ABCG4: variants seen among roughly 807,000 people sequenced by gnomAD.
ABCG4 encodes ATP binding cassette subfamily G member 4.
A neutral mutation model predicts 64.6 loss-of-function variants in ABCG4; 35 were observed. The observed-to-expected ratio is 0.54, with a 90% CI of 0.41 to 0.72. The LOEUF is 0.72. Ranked by LOEUF, ABCG4 falls within the 30% of genes least tolerant of loss-of-function variation. The pLI is 0.00. For missense variants in ABCG4, 610 were observed against 846.3 expected, an observed-to-expected ratio of 0.72 and a Z score of 3.46; for synonymous variants, 326 against 348.2, an observed-to-expected ratio of 0.94 and a Z score of 0.71.
rs752463582 is a variant in ABCG4, at chr11:119,158,523, A to G, written c.1168-34A>G. 1.2e-6 allele frequency: 2 copies of G among 1,613,520 alleles called. No individual in the cohort carries two copies. Among genetic ancestry groups the G allele is most frequent in the East Asian group, 4.5e-5 (2 of 44,854 alleles). On this transcript the variant is annotated intron_variant, in intron 10 of 14. Coordinates refer to ENST00000619701, the MANE Select transcript of ABCG4 (RefSeq NM_022169.5). The surrounding 1 kb of genome is among the most constrained non-coding windows in gnomAD (Gnocchi z 4.5). Reference sequence around the variant, plus strand: ...ACTCTGTGGCTTGCCCTGGCCTGTAACACATCCCTCTCCTGGTGATGACCC... The same window carrying G: ...ACTCTGTGGCTTGCCCTGGCCTGTAGCACATCCCTCTCCTGGTGATGACCC...
chr11:119,153,734 A>G, intron 2 of ABCG4: 1 of 372,898 alleles, frequency 2.7e-6, no homozygotes, highest in Non-Finnish European at 5.0e-6. Flanking sequence ...AGGGTCTTCT[A>G]CAGCTTTGAT....
Position 119,150,311 on chromosome 11 carries a change from C to G in ABCG4, c.238+108C>G. 1 of 1,445,348 alleles carries G rather than the reference C, an allele frequency of 6.9e-7. No homozygotes were observed. 89.5% of individuals were successfully genotyped at this position (1,445,348 alleles called of 1,614,324 possible). On this transcript the variant is annotated intron_variant, in intron 2 of 14. Transcript: ENST00000619701. The surrounding 1 kb of genome is among the most constrained non-coding windows in gnomAD (Gnocchi z 4.3). ...TCGGAAAGTCCTGCACCAGTGGGCT[C>G]TGTGGAAACACTAAAATCTGGGCCC...
Position 119,158,578 on chromosome 11 carries a change from AT to A in ABCG4, c.1190del (p.Met397SerfsTer52). The A allele has an allele frequency of 6.2e-7, 1 of 1,614,144 alleles. No individual in the cohort carries two copies. The highest frequency in any genetic ancestry group is 8.5e-7 in the Non-Finnish European group (1 of 1,179,996). On this transcript the variant is annotated frameshift_variant, in exon 11 of 15. Coordinates refer to ENST00000619701, the MANE Select transcript of ABCG4 (RefSeq NM_022169.5). LOFTEE classifies it high-confidence loss of function. The surrounding 1 kb of genome is among the most constrained non-coding windows in gnomAD (Gnocchi z 4.5). ...RDTVLTHLRFMSHVVIGVLIG... is the reference protein window; with the variant it reads ...RDTVLTHLRFXSHVVIGVLIG... ...CAAGGTCCTGACCCACCTACGGTTC[AT>A]GTCCCACGTGGTTATTGGCGTGCTC...
At chr11:119,151,924 C>G (rs917103271) in intron 2 of ABCG4, among the ~76,000 whole-genome samples, 5 of 152,206 alleles carry the variant, frequency 3.3e-5, no homozygotes, top group African/African-American at 1.2e-4. Flanking sequence ...CTTTTCTCAT[C>G]TGTAAACAGG....
At chr11:119,152,082 T>G (rs998433274) in intron 2 of ABCG4, among the ~76,000 whole-genome samples, 2 of 152,234 alleles carry the variant, frequency 1.3e-5, no homozygotes, top group Non-Finnish European at 2.9e-5. Context: ...CAGTTTCTTC[T>G]CCTGCAAGAG....
Position 119,150,027 on chromosome 11 carries a change from C to T in ABCG4, c.62C>T (p.Ala21Val). The T allele has an allele frequency of 6.2e-7, 1 of 1,612,938 alleles. No individual in the cohort carries two copies. Among genetic ancestry groups the T allele is most frequent in the Middle Eastern group, 1.7e-4 (1 of 6,042 alleles). The change falls in exon 2 of 15, where the codon GCC becomes GTC. Residue 21 changes from alanine (A) to valine (V), a missense_variant. Ala to Val is a moderately conservative substitution (Grantham distance 64). Transcript: ENST00000619701. The surrounding 1 kb of genome is among the most constrained non-coding windows in gnomAD (Gnocchi z 4.3). ...CTAGGGCCGGGGGCTGTGGCCATGG[C>T]CGTGACGCTGGAGGACGGGGCGGAA... ...CGLGPGAVAM[A>V]VTLEDGAEPP... is the part of the protein sequence containing the mutation.
chr11:119,156,182 G>A lies in ABCG4; in HGVS notation c.687-147G>A. 9.4e-7 allele frequency: 1 copy of A among 1,061,404 alleles called. No homozygotes were observed. Among genetic ancestry groups the A allele is most frequent in the Non-Finnish European group, 1.4e-6 (1 of 720,248 alleles). The allele number at this position is 1,061,404 out of a possible 1,614,324, so 65.7% of individuals were successfully genotyped here. A position where few individuals can be genotyped will look rare whatever the true frequency, so the allele number is the denominator to read the frequency against. ...TTGGCTTCTGGGTATCCCTCCAAGT[G>A]CCTGAACCGTAAAGGATACAGATGC... On this transcript the variant is annotated intron_variant, in intron 6 of 14. Transcript: ENST00000619701. This position sits in a 1 kb window ranked among gnomAD's most constrained non-coding sequence, Gnocchi z 5.5.
chr11:119,150,016 T>G lies in ABCG4; in HGVS notation c.51T>G (p.Ala17=), dbSNP rs753867280. 1.5e-4 allele frequency: 248 copies of G among 1,612,244 alleles called. No individual in the cohort carries two copies. The highest frequency in any genetic ancestry group is 2.0e-4 in the Non-Finnish European group (240 of 1,179,958). ...TGGGCTGTGGACTAGGGCCGGGGGC[T>G]GTGGCCATGGCCGTGACGCTGGAGG... The part of the protein sequence containing the change: ...EAVGCGLGPG[A]VAMAVTLEDG... The change falls in exon 2 of 15, where the codon GCT becomes GCG. Residue 17 remains alanine (A), a synonymous_variant. Coordinates refer to ENST00000619701, the MANE Select transcript of ABCG4 (RefSeq NM_022169.5). This position sits in a 1 kb window ranked among gnomAD's most constrained non-coding sequence, Gnocchi z 4.3.
Position 119,149,726 on chromosome 11 carries a change from A to G in ABCG4, c.-12-228A>G. The G allele has an allele frequency of 1.6e-6, 1 of 618,552 alleles. No homozygotes were observed. Among genetic ancestry groups the G allele is most frequent in the Non-Finnish European group, 2.7e-6 (1 of 367,482 alleles). 38.3% of individuals were successfully genotyped at this position (618,552 alleles called of 1,614,324 possible). ...GAGAAGCCGCCGGGAGGAAGGAGCG[A>G]TTGAGGGCTTCAAGGGGACGGGCTG... On this transcript the variant is annotated intron_variant, in intron 1 of 14. Coordinates refer to ENST00000619701, the MANE Select transcript of ABCG4 (RefSeq NM_022169.5). The surrounding 1 kb of genome is among the most constrained non-coding windows in gnomAD (Gnocchi z 8.3).
In ABCG4 at chr11:119,150,628, T is replaced by TA. The variant is rs1948183954; in HGVS notation, c.238+426dup. Among the ~76,000 whole-genome samples the TA allele has an allele frequency of 6.6e-6, 1 of 152,204 alleles. No homozygotes were observed. Among genetic ancestry groups the TA allele is most frequent in the Non-Finnish European group, 1.5e-5 (1 of 68,028 alleles). ...CATTCCTGTCATCTTATTCCATTCT[T>TA]ACCACAGTGCTCAGAAGCAGGGAGG... On this transcript the variant is annotated intron_variant, in intron 2 of 14. Transcript: ENST00000619701. This position sits in a 1 kb window ranked among gnomAD's most constrained non-coding sequence, Gnocchi z 4.3.
chr11:119,157,186 C>T (rs1340038125), intron 9 of ABCG4, among the ~76,000 whole-genome samples, 172 bp downstream of exon 9: 1 of 152,232 alleles, frequency 6.6e-6, no homozygotes, highest in African/African-American at 2.4e-5. Flanking sequence ...ACCTTAGGCA[C>T]ATTATTTAAC....
chr11:119,157,084 T>G (rs1948276020), intron 9 of ABCG4, 70 bp downstream of exon 9: 16 of 1,519,374 alleles, frequency 1.1e-5, no homozygotes, highest in Non-Finnish European at 1.3e-5. Context: ...ACAGTGGCCC[T>G]GCCAAAGAGG....
rs1359365849 is a variant in ABCG4, at chr11:119,154,940, C to T, written c.686+25C>T. 2 of 1,590,860 alleles carry T rather than the reference C, an allele frequency of 1.3e-6. No individual in the cohort carries two copies. The highest frequency in any genetic ancestry group is 2.2e-5 in the South Asian group (2 of 89,120). On this transcript the variant is annotated intron_variant, in intron 6 of 14. Transcript: ENST00000619701. This position sits in a 1 kb window ranked among gnomAD's most constrained non-coding sequence, Gnocchi z 7.0. The stretch of plus-strand genomic sequence containing the variant: ...GGTAGTTCTCTCCACCCTTTCCCAC[C>T]AGGATACCCCTCTCCTCTCGGCCCT...
At position 119,150,293 on chromosome 11, in the gene ABCG4, G is replaced by A; in HGVS notation, c.238+90G>A. On this transcript the variant is annotated intron_variant, in intron 2 of 14. Transcript: ENST00000619701. The surrounding 1 kb of genome is among the most constrained non-coding windows in gnomAD (Gnocchi z 4.3). ...GGCCTGGGTGTCCCATGTTCGGAAA[G>A]TCCTGCACCAGTGGGCTCTGTGGAA... The A allele has an allele frequency of 6.6e-7, 1 of 1,519,400 alleles. No individual in the cohort carries two copies. The highest frequency in any genetic ancestry group is 8.9e-7 in the Non-Finnish European group (1 of 1,127,318). The allele number at this position is 1,519,400 out of a possible 1,614,324, so 94.1% of individuals were successfully genotyped here. A position where few individuals can be genotyped will look rare whatever the true frequency, so the allele number is the denominator to read the frequency against.
chr11:119,154,299 G>C lies in ABCG4; in HGVS notation c.396G>C (p.Arg132Ser). 2 of 1,614,164 alleles carry C rather than the reference G, an allele frequency of 1.2e-6. No homozygotes were observed. The highest frequency in any genetic ancestry group is 1.7e-6 in the Non-Finnish European group (2 of 1,180,026). ...AGGGGCAGATCCTGGTTAATGGAAG[G>C]CCACGGGAGCTGAGGACCTTCCGCA... ...GMKGQILVNGRPRELRTFRKM... is the reference protein window; with the variant it reads ...GMKGQILVNGSPRELRTFRKM... Residue 132 changes from arginine to serine, a missense_variant, in exon 4 of 15, where the codon AGG becomes AGC. By Grantham distance (110) the Arg-to-Ser change is moderately radical (BLOSUM62 -1). Coordinates refer to ENST00000619701, the MANE Select transcript of ABCG4 (RefSeq NM_022169.5). The surrounding 1 kb of genome is among the most constrained non-coding windows in gnomAD (Gnocchi z 7.0).
rs747630300 is a variant in ABCG4, at chr11:119,161,261, C to T, written c.*155C>T. The T allele has an allele frequency of 3.5e-5, 24 of 677,700 alleles. No homozygotes were observed. Among genetic ancestry groups the T allele is most frequent in the Non-Finnish European group, 5.1e-5 (21 of 409,660 alleles). The allele number at this position is 677,700 out of a possible 1,614,324, so 42.0% of individuals were successfully genotyped here. ...TCCACAGGCTGGCTGTCGGACTGCG[C>T]TCCCAGCCTGGGCTCTGGGAGTGGG... is the stretch of plus-strand genomic sequence containing the variant. On this transcript the variant is annotated 3_prime_UTR_variant, in exon 15 of 15. Coordinates refer to ENST00000619701, the MANE Select transcript of ABCG4 (RefSeq NM_022169.5).
rs778141966 is a variant in ABCG4 at position 119,158,420 on chromosome 11, C to T, written c.1167+88C>T. 3.2e-6 allele frequency: 5 copies of T among 1,560,082 alleles called. No homozygotes were observed. Among genetic ancestry groups the T allele is most frequent in the Non-Finnish European group, 3.5e-6 (4 of 1,132,466 alleles). On this transcript the variant is annotated intron_variant, in intron 10 of 14. Coordinates refer to ENST00000619701, the MANE Select transcript of ABCG4 (RefSeq NM_022169.5). This position sits in a 1 kb window ranked among gnomAD's most constrained non-coding sequence, Gnocchi z 4.5. The stretch of plus-strand genomic sequence containing the variant: ...CCAGCAGCTGAAATGGGAATGGGGA[C>T]CCTCCCTCACAGCCCTGCAATGTGC...
Position 119,160,174 on chromosome 11 carries a change from G to A in ABCG4, c.1438-53G>A, listed in dbSNP as rs879133037. The A allele has an allele frequency of 6.4e-7, 1 of 1,569,782 alleles. No individual in the cohort carries two copies. Among genetic ancestry groups the A allele is most frequent in the African/African-American group, 1.4e-5 (1 of 74,052 alleles). On this transcript the variant is annotated intron_variant, in intron 12 of 14. Transcript: ENST00000619701. The surrounding 1 kb of genome is among the most constrained non-coding windows in gnomAD (Gnocchi z 4.6). ...AGCCTTGGGTGGAGTGGAGGTCTTG[G>A]CTGCTGTGCCCCTGGCTTGAAGTCC...
In ABCG4 at chr11:119,158,985, C is replaced by A; in HGVS notation, c.1437+56C>A. ...CTCCATCTTGTCTTGCTCCTTCTAT[C>A]CTTGCTTTCTTGCCTCCCTCAAACT... On this transcript the variant is annotated intron_variant, in intron 12 of 14. Coordinates refer to ENST00000619701, the MANE Select transcript of ABCG4 (RefSeq NM_022169.5). The surrounding 1 kb of genome is among the most constrained non-coding windows in gnomAD (Gnocchi z 4.5). 11 of 1,551,058 alleles carry A rather than the reference C, an allele frequency of 7.1e-6. No individual in the cohort carries two copies. Among genetic ancestry groups the A allele is most frequent in the Non-Finnish European group, 8.9e-6 (10 of 1,124,194 alleles).
Sources: allele counts gnomAD v4.1 joint callset (sites outside exome capture counted in the v4.1 genomes callset), GRCh38; gene constraint gnomAD v4.1.1; non-coding constraint Gnocchi (gnomAD v3.1); transcripts MANE v1.5; gene names NCBI Gene and HGNC (gene_info 2026-07-23, HGNC 2026-07-21).